Variants in MTUS2 observed in about 807,000 individuals in gnomAD.
The protein encoded by MTUS2 is microtubule associated scaffold protein 2.
Under a neutral mutation model 114.1 loss-of-function variants are expected in MTUS2, and 40 were observed. That is an observed-to-expected ratio of 0.35 (90% confidence interval 0.27 to 0.46). The LOEUF (loss-of-function observed/expected upper bound fraction) is 0.46. MTUS2 is among the 20% of genes least tolerant of loss of function. The probability of loss-of-function intolerance (pLI) is 1.00; values close to 1 mark genes in which losing one functional copy is unlikely to be tolerated. For missense variants in MTUS2, 1,679 were observed against 1,705.4 expected, an observed-to-expected ratio of 0.98 and a Z score of 0.27; for synonymous variants, 688 against 672.0, an observed-to-expected ratio of 1.02 and a Z score of -0.37.
At chr13:29,284,029 T>C (rs901964802) in intron 6 of MTUS2, among the ~76,000 whole-genome samples, 1 of 152,176 alleles carries the variant, frequency 6.6e-6, no homozygotes, top group Non-Finnish European at 1.5e-5. Flanking sequence ...CATACATGCA[T>C]TTATTCTTTG....
chr13:28,867,690 A>G (rs1184878465), intron 2 of MTUS2, among the ~76,000 whole-genome samples: 2 of 152,218 alleles, frequency 1.3e-5, no homozygotes, highest in Non-Finnish European at 2.9e-5. Flanking sequence ...CAGAGAGTGC[A>G]GCATTTTATT....
intron 2 of MTUS2, among the ~76,000 whole-genome samples, chr13:28,944,407 G>T (rs368849230): frequency 1.2e-3 from 180 of 152,104 alleles, no homozygotes; most frequent in African/African-American, 4.1e-3. Context: ...AATGGTGTCA[G>T]GGTAACTTCT....
At chr13:28,827,062 A>G (rs1874317582) in intron 1 of MTUS2, among the ~76,000 whole-genome samples, 1 of 152,242 alleles carries the variant, frequency 6.6e-6, no homozygotes, top group Admixed American at 6.5e-5. Flanking sequence ...CAGGTTGGAA[A>G]TGTTGCCACA....
At chr13:29,098,594 T>A (rs1260142060) in intron 4 of MTUS2, among the ~76,000 whole-genome samples, 1 of 152,186 alleles carries the variant, frequency 6.6e-6, no homozygotes. Context: ...GTGCTTGGGA[T>A]CTTGTGCTGC....
chr13:29,088,531 G>A (rs952177132), intron 4 of MTUS2, among the ~76,000 whole-genome samples: 5 of 152,150 alleles, frequency 3.3e-5, no homozygotes, highest in African/African-American at 1.2e-4. Context: ...AAATATCTTC[G>A]TTAATGTTCT....
chr13:29,495,355 C>CAA (rs561721512), intron 12 of MTUS2, among the ~76,000 whole-genome samples: 397 of 29,786 alleles, frequency 0.013, 15 homozygotes, highest in African/African-American at 0.037. Context: ...GAGTCTTTGT[C>CAA]AAAAAAAAAA....
chr13:29,354,240 A>ATTTTTTTT (rs5802516), intron 7 of MTUS2, among the ~76,000 whole-genome samples: 10 of 120,372 alleles, frequency 8.3e-5, no homozygotes, highest in African/African-American at 3.1e-4. Context: ...TATTTTGGGC[A>ATTTTTTTT]TTTTTTTTTT....
intron 9 of MTUS2, among the ~76,000 whole-genome samples, chr13:29,464,021 C>T (rs562033877): frequency 2.7e-4 from 41 of 149,348 alleles, no homozygotes; most frequent in Non-Finnish European, 4.3e-4. Flanking sequence ...AGAAAAGAAA[C>T]GATAGATGTT....
intron 1 of MTUS2, among the ~76,000 whole-genome samples, chr13:28,828,628 G>C (rs888560690): frequency 1.3e-5 from 2 of 151,866 alleles, no homozygotes; most frequent in East Asian, 3.9e-4. Flanking sequence ...CCTCCGTTCG[G>C]GGTCCCTGAC....
chr13:29,036,041 G>A (rs548647931), intron 4 of MTUS2, among the ~76,000 whole-genome samples: 3 of 151,626 alleles, frequency 2.0e-5, no homozygotes, highest in East Asian at 1.9e-4. Context: ...CTACTCTGGA[G>A]GCTGAGGCAT....
intron 7 of MTUS2, among the ~76,000 whole-genome samples, chr13:29,348,026 C>T (rs1040372774): frequency 2.3e-4 from 32 of 140,240 alleles, no homozygotes; most frequent in Middle Eastern, 3.4e-3. Flanking sequence ...TGGATGCATT[C>T]ACCAACCCAG....
intron 5 of MTUS2, among the ~76,000 whole-genome samples, chr13:29,178,590 C>T (rs1893870795): frequency 6.6e-6 from 1 of 151,908 alleles, no homozygotes; most frequent in African/African-American, 2.4e-5. Context: ...CCAGTTGTGA[C>T]AGTCAAAAAT....
intron 9 of MTUS2, among the ~76,000 whole-genome samples, chr13:29,449,147 A>G (rs1431233086): frequency 6.6e-6 from 1 of 152,172 alleles, no homozygotes; most frequent in African/African-American, 2.4e-5. Context: ...ATTGAACTAT[A>G]GCAAAACAAT....
chr13:28,889,275 C>T (rs1178241571), intron 2 of MTUS2, among the ~76,000 whole-genome samples: 5 of 152,146 alleles, frequency 3.3e-5, no homozygotes, highest in African/African-American at 7.2e-5. Flanking sequence ...GGAGGCATTT[C>T]GGGTTCACTT....
rs907234628 is a variant in MTUS2 at position 29,220,083 on chromosome 13, C to T, written c.2645-61621C>T. ...CAATCTCTGCTCACTGCAACCTCCA[C>T]CTCCCGGGTTCAAGCCATTCTCCTG... On this transcript the variant is annotated intron_variant, in intron 5 of 15. Coordinates refer to ENST00000612955, the MANE Select transcript of MTUS2 (RefSeq NM_001033602.4). 5.3e-5 allele frequency among the ~76,000 whole-genome samples: 8 copies of T among 152,166 alleles called. No homozygotes were observed. In the East Asian group the frequency reaches 1.2e-3, roughly 22 times the overall value.
At chr13:28,915,383 A>G (rs1365867387) in intron 2 of MTUS2, among the ~76,000 whole-genome samples, 1 of 151,938 alleles carries the variant, frequency 6.6e-6, no homozygotes, top group South Asian at 2.1e-4. Context: ...ACTCTTCTCC[A>G]TAGAGGTTGT....
intron 5 of MTUS2, among the ~76,000 whole-genome samples, chr13:29,250,819 A>G (rs970288773): frequency 1.3e-5 from 2 of 152,162 alleles, no homozygotes; most frequent in Admixed American, 6.5e-5. Flanking sequence ...TCTAGTTTTT[A>G]TTACCCGTAA....
At chr13:29,051,327 T>C (rs1389767064) in intron 4 of MTUS2, among the ~76,000 whole-genome samples, 1 of 152,128 alleles carries the variant, frequency 6.6e-6, no homozygotes, top group Non-Finnish European at 1.5e-5. Flanking sequence ...GGTGATGTTA[T>C]TTATTCATGT....
intron 5 of MTUS2, among the ~76,000 whole-genome samples, chr13:29,201,347 T>C (rs938058817): frequency 6.6e-6 from 1 of 151,146 alleles, no homozygotes; most frequent in Non-Finnish European, 1.5e-5. Context: ...TTTTTTTTTT[T>C]CTTTCCATTT....
Sources: allele counts gnomAD v4.1 joint callset (sites outside exome capture counted in the v4.1 genomes callset), GRCh38; gene constraint gnomAD v4.1.1; transcripts MANE v1.5; gene names NCBI Gene and HGNC (gene_info 2026-07-23, HGNC 2026-07-21).